Variants in PDZRN3 observed in about 807,000 individuals in gnomAD.
PDZRN3 encodes the protein PDZ domain containing ring finger 3.
Under a neutral mutation model 85.7 loss-of-function variants are expected in PDZRN3, and 38 were observed. The observed-to-expected ratio is 0.44, with a 90% CI of 0.34 to 0.58. The LOEUF is 0.58. PDZRN3 is among the 20% of genes least tolerant of loss of function. The pLI, the probability that PDZRN3 is intolerant of heterozygous loss-of-function variation, is 0.01. For synonymous variants in PDZRN3, 759 were observed against 638.0 expected (o/e 1.19, Z -2.86); for missense variants, 1,629 against 1,506.4 (o/e 1.08, Z -1.35).
At chr3:73,393,909 T>C (rs1701583459) in intron 5 of PDZRN3, among the ~76,000 whole-genome samples, 2 of 152,204 alleles carry the variant, frequency 1.3e-5, no homozygotes, top group South Asian at 4.1e-4. Flanking sequence ...TTCTGTTCTA[T>C]CTTTTGTCAG....
intron 3 of PDZRN3, among the ~76,000 whole-genome samples, chr3:73,542,433 T>C (rs1465264536): frequency 6.6e-6 from 1 of 152,160 alleles, no homozygotes; most frequent in Admixed American, 6.5e-5. Context: ...AGGTTAAATG[T>C]AAACAAGTCT....
intron 3 of PDZRN3, among the ~76,000 whole-genome samples, chr3:73,516,066 G>C (rs1261888643): frequency 6.6e-6 from 1 of 152,164 alleles, no homozygotes; most frequent in East Asian, 1.9e-4. Context: ...CTTTTTAATA[G>C]GGCTTCCTGC....
At chr3:73,562,261 T>C (rs1296728215) in intron 3 of PDZRN3, among the ~76,000 whole-genome samples, 1 of 152,102 alleles carries the variant, frequency 6.6e-6, no homozygotes, top group Non-Finnish European at 1.5e-5. Context: ...GAGAATACCA[T>C]TAACATCACC....
In PDZRN3 at chr3:73,467,920, G is replaced by C. The variant is rs1423583166; in HGVS notation, c.919-63525C>G. Among the ~76,000 whole-genome samples, 3 of 152,126 alleles carry C rather than the reference G, an allele frequency of 2.0e-5. 1 individual carries two copies. The highest frequency in any genetic ancestry group is 1.9e-4 in the East Asian group (1 of 5,198). ...TAGTCAAATTCATAGACAGGAAGTC[G>C]AATGGAGGCTGCCAGGGTTAGAGGA... On this transcript the variant is annotated intron_variant, in intron 3 of 9. Coordinates refer to ENST00000263666, the MANE Select transcript of PDZRN3 (RefSeq NM_015009.3).
chr3:73,408,905 A>G (rs1357197973), intron 3 of PDZRN3, among the ~76,000 whole-genome samples: 1 of 152,060 alleles, frequency 6.6e-6, no homozygotes, highest in African/African-American at 2.4e-5. Context: ...TACACAAAAC[A>G]GTGGTGATGA....
intron 3 of PDZRN3, among the ~76,000 whole-genome samples, chr3:73,407,198 G>A (rs1303932186): frequency 6.6e-6 from 1 of 152,164 alleles, no homozygotes; most frequent in African/African-American, 2.4e-5. Flanking sequence ...CCTTAAACTA[G>A]GACTAAACTA....
chr3:73,567,846 A>G (rs1346376565), intron 3 of PDZRN3, among the ~76,000 whole-genome samples: 4 of 152,208 alleles, frequency 2.6e-5, no homozygotes, highest in African/African-American at 9.6e-5. Context: ...ACAGAAATAC[A>G]ACGATAGGGT....
At chr3:73,512,454 T>G (rs184942056) in intron 3 of PDZRN3, among the ~76,000 whole-genome samples, 2 of 152,260 alleles carry the variant, frequency 1.3e-5, no homozygotes, top group African/African-American at 2.4e-5. Flanking sequence ...CATATATTTA[T>G]GTGGACAATA....
chr3:73,492,711 C>G (rs964885167), intron 3 of PDZRN3, among the ~76,000 whole-genome samples: 1 of 152,138 alleles, frequency 6.6e-6, no homozygotes, highest in African/African-American at 2.4e-5. Context: ...TCTGCTGTTC[C>G]ATAGGCCTGT....
intron 3 of PDZRN3, among the ~76,000 whole-genome samples, chr3:73,459,684 C>T (rs1703064465): frequency 6.6e-6 from 1 of 152,202 alleles, no homozygotes; most frequent in African/African-American, 2.4e-5. Context: ...AAGACATGGT[C>T]TTCTTCTTTT....
chr3:73,474,975 G>A (rs893589597), intron 3 of PDZRN3, among the ~76,000 whole-genome samples: 1 of 152,104 alleles, frequency 6.6e-6, no homozygotes, highest in Admixed American at 6.6e-5. Context: ...CAAAGAGTCA[G>A]GCAGAATGGT....
At chr3:73,537,776 C>T (rs1377078629) in intron 3 of PDZRN3, among the ~76,000 whole-genome samples, 3 of 146,510 alleles carry the variant, frequency 2.0e-5, no homozygotes, top group African/African-American at 7.7e-5. Context: ...TGCGCCACCA[C>T]ACCCGGCTAA....
intron 3 of PDZRN3, among the ~76,000 whole-genome samples, chr3:73,599,989 TAAA>T (rs1343072759): frequency 6.6e-6 from 1 of 152,222 alleles, no homozygotes; most frequent in African/African-American, 2.4e-5. Context: ...TGTATGCATA[TAAA>T]TGTTACTTGT....
intron 3 of PDZRN3, among the ~76,000 whole-genome samples, chr3:73,496,372 C>T (rs189007894): frequency 3.6e-3 from 2 of 560 alleles, no homozygotes; most frequent in East Asian, 0.042. Context: ...CAAATATATA[C>T]GAACATAGAG....
intron 3 of PDZRN3, among the ~76,000 whole-genome samples, chr3:73,550,556 G>C (rs1023940466): frequency 2.0e-5 from 3 of 152,220 alleles, no homozygotes; most frequent in East Asian, 1.9e-4. Context: ...GTTGTAAGCA[G>C]ACCTGCCCTG....
At position 73,404,149 on chromosome 3, in the gene PDZRN3, C is replaced by T. The variant is rs371277528; in HGVS notation, c.1165G>A (p.Glu389Lys). ...GGGGTTCAAGATTAGGTTACTTACT[C>T]CTCTGGCAAGAGATAGGGATCCAGC... ...PVLDPYLLPE[E>K]HPSAHEYYDP... is the part of the protein sequence containing the mutation. The change falls in exon 4 of 10, where the codon GAG becomes AAG. Residue 389 changes from glutamate to lysine, a missense_variant and splice_region_variant. Physicochemically the swap from Glu to Lys is moderately conservative, Grantham distance 56. Coordinates refer to ENST00000263666, the MANE Select transcript of PDZRN3 (RefSeq NM_015009.3). The T allele has an allele frequency of 5.7e-5, 92 of 1,613,366 alleles. No individual in the cohort carries two copies. The Middle Eastern group carries it at 8.3e-4, about 14-fold the overall frequency.
chr3:73,385,613 AG>A (rs1701361640), intron 9 of PDZRN3, 55 bp downstream of exon 9: 1 of 1,036,138 alleles, frequency 9.7e-7, no homozygotes, highest in Non-Finnish European at 1.5e-6. Context: ...TGGAGGAAGC[AG>A]ATTTTCCTCC....
chr3:73,425,298 GTGAGCCACCGCGC>G (rs1702290191), intron 3 of PDZRN3, among the ~76,000 whole-genome samples: 1 of 152,008 alleles, frequency 6.6e-6, no homozygotes, highest in South Asian at 2.1e-4. Flanking sequence ...GATTACAGGC[GTGAGCCACCGCGC>G]CCAGCCATCA....
intron 3 of PDZRN3, among the ~76,000 whole-genome samples, chr3:73,523,907 T>C (rs1417087599): frequency 6.6e-6 from 1 of 152,200 alleles, no homozygotes; most frequent in Admixed American, 6.5e-5. Context: ...AGAGAACGCA[T>C]TCACTGAGAC....
Sources: allele counts gnomAD v4.1 joint callset (sites outside exome capture counted in the v4.1 genomes callset), GRCh38; gene constraint gnomAD v4.1.1; transcripts MANE v1.5; gene names NCBI Gene and HGNC (gene_info 2026-07-23, HGNC 2026-07-21).